The following PPFIA2 variants were observed in gnomAD, a reference collection of about 807,000 sequenced individuals.
PPFIA2 encodes liprin-alpha-2.
In PPFIA2, 46 loss-of-function variants were observed where a neutral mutation model predicts 175.5. That is an observed-to-expected ratio of 0.26 (90% CI 0.21 to 0.34). The LOEUF is 0.34. Ranked by LOEUF, PPFIA2 falls within the 10% of genes least tolerant of loss-of-function variation. PPFIA2 has a pLI of 1.00. For missense variants in PPFIA2, 1,179 were observed against 1,506.1 expected, an observed-to-expected ratio of 0.78 and a Z score of 3.60; for synonymous variants, 568 against 511.4, an observed-to-expected ratio of 1.11 and a Z score of -1.49.
In PPFIA2 at chr12:81,711,868, C is replaced by T. The variant is rs553841376; in HGVS notation, c.250-35024G>A. Among the ~76,000 whole-genome samples the T allele has an allele frequency of 1.3e-4, 19 of 150,082 alleles. 1 individual carries two copies. The highest frequency in any genetic ancestry group is 3.4e-3 in the Middle Eastern group (1 of 292). ...CTTATCAGTGCCCCAATGCAAAGCTCCAAAGCAAACAAAGGAAAACTCTAC... is the reference window on the plus strand; with the variant it reads ...CTTATCAGTGCCCCAATGCAAAGCTTCAAAGCAAACAAAGGAAAACTCTAC... On this transcript the variant is annotated intron_variant, in intron 3 of 32. Coordinates refer to ENST00000549396, the MANE Select transcript of PPFIA2 (RefSeq NM_003625.5).
At chr12:81,704,040 T>C (rs2076812068) in intron 3 of PPFIA2, among the ~76,000 whole-genome samples, 1 of 152,196 alleles carries the variant, frequency 6.6e-6, no homozygotes, top group African/African-American at 2.4e-5. Flanking sequence ...TTTGTATTTC[T>C]GCTAACACAA....
intron 4 of PPFIA2, among the ~76,000 whole-genome samples, chr12:81,644,752 G>A (rs2153522518): frequency 6.6e-6 from 1 of 152,200 alleles, no homozygotes; most frequent in Admixed American, 6.5e-5. Context: ...ACAGGAAGCA[G>A]TTTTGTTCTA....
chr12:81,736,690 C>T (rs1299182590), intron 3 of PPFIA2, among the ~76,000 whole-genome samples: 1 of 151,938 alleles, frequency 6.6e-6, no homozygotes, highest in Non-Finnish European at 1.5e-5. Context: ...AAAATGGTAA[C>T]TGCTTATTTT....
intron 24 of PPFIA2, among the ~76,000 whole-genome samples, chr12:81,294,121 CAGACATTGG>C (rs1303002151): frequency 6.6e-6 from 1 of 151,960 alleles, no homozygotes; most frequent in Non-Finnish European, 1.5e-5. Context: ...AAGGAAATAA[CAGACATTGG>C]AGACTCCAAA....
chr12:81,677,706 G>C (rs1596313882), intron 3 of PPFIA2, among the ~76,000 whole-genome samples: 1 of 151,856 alleles, frequency 6.6e-6, no homozygotes, highest in African/African-American at 2.4e-5. Context: ...TCTACACATA[G>C]AGTATAAAAA....
intron 7 of PPFIA2, among the ~76,000 whole-genome samples, chr12:81,420,843 C>G (rs892095180): frequency 2.0e-5 from 3 of 151,386 alleles, no homozygotes; most frequent in African/African-American, 4.9e-5. Flanking sequence ...ATAAGATCAA[C>G]CCCAAAACAC....
chr12:81,640,456 A>G (rs544934810), intron 4 of PPFIA2, among the ~76,000 whole-genome samples: 1 of 152,118 alleles, frequency 6.6e-6, no homozygotes, highest in Non-Finnish European at 1.5e-5. Flanking sequence ...AATTTTCAAA[A>G]TTCCTCAATA....
intron 22 of PPFIA2, among the ~76,000 whole-genome samples, chr12:81,318,266 C>A (rs1361989366): frequency 6.6e-6 from 1 of 151,680 alleles, no homozygotes; most frequent in Non-Finnish European, 1.5e-5. Context: ...GTAACTTTCC[C>A]AGAAATGAAC....
At chr12:81,675,231 T>G (rs576972997) in intron 4 of PPFIA2, among the ~76,000 whole-genome samples, 3,355 of 150,866 alleles carry the variant, frequency 0.022, 110 homozygotes, top group African/African-American at 0.068. Flanking sequence ...CATATATATA[T>G]AGAGAGAGAG....
chr12:81,366,271 T>C (rs2033397929), intron 14 of PPFIA2, among the ~76,000 whole-genome samples: 1 of 151,488 alleles, frequency 6.6e-6, no homozygotes, highest in Admixed American at 6.6e-5. Context: ...CTATTAGCAA[T>C]TACCATTAAA....
At chr12:81,637,224 C>T (rs1051553141) in intron 4 of PPFIA2, among the ~76,000 whole-genome samples, 2 of 140,506 alleles carry the variant, frequency 1.4e-5, no homozygotes, top group Non-Finnish European at 3.0e-5. Context: ...CATGCGCTAC[C>T]ACGCCAGGCT....
chr12:81,530,772 A>AT (rs5799536), intron 4 of PPFIA2, among the ~76,000 whole-genome samples: 52,657 of 150,556 alleles, frequency 0.35, 10,050 homozygotes, highest in African/African-American at 0.51. Flanking sequence ...AACACATTAT[A>AT]TAATATATGT....
intron 20 of PPFIA2, among the ~76,000 whole-genome samples, chr12:81,340,787 T>G (rs2057912020): frequency 6.6e-6 from 1 of 152,042 alleles, no homozygotes; most frequent in South Asian, 2.1e-4. Flanking sequence ...AGTAAGTCCT[T>G]CCTCTAGCCT....
chr12:81,545,186 G>C (rs529197853), intron 4 of PPFIA2: 1 of 152,102 alleles, frequency 6.6e-6, no homozygotes, highest in South Asian at 2.1e-4. Context: ...CAAGTATTTG[G>C]TTATATATTA....
At chr12:81,630,901 T>A (rs12297720) in intron 4 of PPFIA2, among the ~76,000 whole-genome samples, 5,067 of 47,836 alleles carry the variant, frequency 0.11, 104 homozygotes, top group Admixed American at 0.15. Flanking sequence ...ATATATATAT[T>A]TTTTTTTTTT....
intron 28 of PPFIA2, among the ~76,000 whole-genome samples, chr12:81,269,055 T>G (rs542877695): frequency 9.9e-5 from 15 of 152,212 alleles, no homozygotes; most frequent in Non-Finnish European, 1.6e-4. Flanking sequence ...GGAAAAAATT[T>G]CTTTGATTTT....
intron 4 of PPFIA2, among the ~76,000 whole-genome samples, chr12:81,609,724 C>G (rs1247273469): frequency 2.6e-5 from 4 of 152,110 alleles, no homozygotes; most frequent in African/African-American, 9.7e-5. Flanking sequence ...GTATTTTACA[C>G]AGTTTGCCAC....
At chr12:81,674,261 T>C (rs2072005392) in intron 4 of PPFIA2, among the ~76,000 whole-genome samples, 1 of 152,078 alleles carries the variant, frequency 6.6e-6, no homozygotes, top group Non-Finnish European at 1.5e-5. Context: ...CAATACTTGA[T>C]GTATTCTGTT....
At chr12:81,331,221 A>G (rs1009742929) in intron 21 of PPFIA2, among the ~76,000 whole-genome samples, 1 of 152,240 alleles carries the variant, frequency 6.6e-6, no homozygotes, top group East Asian at 1.9e-4. Flanking sequence ...TTAGGTACAC[A>G]AATACTTAAC....
Sources: allele counts gnomAD v4.1 joint callset (sites outside exome capture counted in the v4.1 genomes callset), GRCh38; gene constraint gnomAD v4.1.1; transcripts MANE v1.5; gene names NCBI Gene and HGNC (gene_info 2026-07-23, HGNC 2026-07-21).